The following GGA3 variants were observed in gnomAD, a reference collection of about 807,000 sequenced individuals.
The protein encoded by GGA3 is golgi associated, gamma adaptin ear containing, ARF binding protein 3.
GGA3 carries 57 observed loss-of-function variants against 77.5 expected under a neutral mutation model. That is an observed-to-expected ratio of 0.74 (90% confidence interval 0.59 to 0.92). The LOEUF (loss-of-function observed/expected upper bound fraction) is 0.92, where lower values mean the gene tolerates loss of function less well. Ranked by LOEUF, GGA3 falls within the 40% of genes least tolerant of loss-of-function variation. The pLI is 0.00. For synonymous variants in GGA3, 416 were observed against 383.7 expected, an observed-to-expected ratio of 1.08 and a Z score of -0.98; for missense variants, 970 against 914.9, an observed-to-expected ratio of 1.06 and a Z score of -0.78.
upstream of GGA3, chr17:75,261,985 TGA>T: frequency 1.3e-6 from 2 of 1,563,138 alleles, no homozygotes; most frequent in Non-Finnish European, 1.7e-6. Context: ...GCTTCCAGGG[TGA>T]GAGGGTGGCG....
chr17:75,251,322 C>G (rs1429373030), intron 1 of GGA3, among the ~76,000 whole-genome samples: 1 of 140,194 alleles, frequency 7.1e-6, no homozygotes, highest in Non-Finnish European at 1.5e-5. Context: ...AGGCTGTGCT[C>G]TCCTGGTTCA....
At chr17:75,246,216 G>A (rs748830823) in intron 3 of GGA3, among the ~76,000 whole-genome samples, 13 of 152,206 alleles carry the variant, frequency 8.5e-5, no homozygotes, top group Non-Finnish European at 1.8e-4. Context: ...CGCCACATGG[G>A]GCTCAGGGCC....
intron 1 of GGA3, among the ~76,000 whole-genome samples, chr17:75,260,361 T>C (rs558259027): frequency 6.6e-6 from 1 of 152,332 alleles, no homozygotes; most frequent in Non-Finnish European, 1.5e-5. Context: ...CCTGCTTTGC[T>C]AGAATACTTG....
Position 75,237,830 on chromosome 17 carries a change from G to A in GGA3, c.*449C>T. The A allele has an allele frequency of 1.4e-6, 2 of 1,428,520 alleles. No homozygotes were observed. The highest frequency in any genetic ancestry group is 1.8e-6 in the Non-Finnish European group (2 of 1,096,648). The allele number at this position is 1,428,520 out of a possible 1,614,324, so 88.5% of individuals were successfully genotyped here. A position where few individuals can be genotyped will look rare whatever the true frequency, so the allele number is the denominator to read the frequency against. ...CGGGGGAAGCATGGAATTGCAACAGGGCTGCAGCCCCTTGGGCCGTGCATC... is the reference window on the plus strand; with the variant it reads ...CGGGGGAAGCATGGAATTGCAACAGAGCTGCAGCCCCTTGGGCCGTGCATC... On this transcript the variant is annotated 3_prime_UTR_variant, in exon 17 of 17. Transcript: ENST00000537686.
chr17:75,260,963 T>C (rs1220922730), intron 1 of GGA3, among the ~76,000 whole-genome samples: 1 of 152,206 alleles, frequency 6.6e-6, no homozygotes, highest in East Asian at 1.9e-4. Context: ...CATGCTTCTG[T>C]GGTCACTGCA....
At position 75,243,176 on chromosome 17, in the gene GGA3, G is replaced by T; in HGVS notation, c.425-10C>A. ...TCAGACTGCACTATGCCTGAAAGGG[G>T]ACATGGCAGCACGTGCACTCAGGCT... On this transcript the variant is annotated splice_polypyrimidine_tract_variant and intron_variant, in intron 5 of 16. Transcript: ENST00000537686. 8 of 1,583,130 alleles carry T rather than the reference G, an allele frequency of 5.1e-6. No homozygotes were observed. The highest frequency in any genetic ancestry group is 6.9e-6 in the Non-Finnish European group (8 of 1,157,398).
At chr17:75,240,515 T>C (rs1567780856) in intron 11 of GGA3, 103 bp from the exon 12 acceptor site, 1 of 768,364 alleles carries the variant, frequency 1.3e-6, no homozygotes, top group East Asian at 2.7e-5. Context: ...CATCAATGGG[T>C]GAAGGCGCCG....
intron 3 of GGA3, among the ~76,000 whole-genome samples, chr17:75,246,214 GGGGCTCA>G (rs1285422948): frequency 6.6e-6 from 1 of 152,230 alleles, no homozygotes; most frequent in African/African-American, 2.4e-5. Flanking sequence ...TGCGCCACAT[GGGGCTCA>G]GGGCCCTGAC....
chr17:75,240,006 T>C lies in GGA3; in HGVS notation c.1366A>G (p.Ser456Gly), dbSNP rs559299321. The C allele has an allele frequency of 3.8e-5, 59 of 1,553,518 alleles. No homozygotes were observed. In the South Asian group the frequency reaches 5.6e-4, roughly 15 times the overall value. Residue 456 changes from serine to glycine, a missense_variant, in exon 13 of 17, where the codon AGC (serine) becomes GGC (glycine). Transcript: ENST00000537686. ...GGAGGCGGCAGTGGAGCTTGGGAGCTGCTTGAGGAGGGGGCTGAGGGCTGG... is the reference window on the plus strand; with the variant it reads ...GGAGGCGGCAGTGGAGCTTGGGAGCCGCTTGAGGAGGGGGCTGAGGGCTGG... ...LLQPSAPSSSSSQAPLPPPFP... is the reference protein window; with the variant it reads ...LLQPSAPSSSGSQAPLPPPFP...
Position 75,243,527 on chromosome 17 carries a change from A to G in GGA3, c.344T>C (p.Ile115Thr), listed in dbSNP as rs780499128. Reference protein sequence around the residue: ...RVSEKVKTKVIELLYSWTMAL... With the variant: ...RVSEKVKTKVTELLYSWTMAL... ...CATGGTCCAGCTGTACAGCAGCTCA[A>G]TAACCTTGGTCTTCACTTTCTCAGA... The change falls in exon 5 of 17, where the codon ATT becomes ACT. Residue 115 changes from isoleucine to threonine, a missense_variant. Physicochemically the swap from Ile to Thr is moderately conservative, Grantham distance 89. Transcript: ENST00000537686. The G allele has an allele frequency of 1.9e-6, 3 of 1,614,100 alleles. No individual in the cohort carries two copies. The highest frequency in any genetic ancestry group is 4.5e-5 in the East Asian group (2 of 44,882).
At chr17:75,261,320 C>T (rs1291296976) in intron 1 of GGA3, among the ~76,000 whole-genome samples, 1 of 152,264 alleles carries the variant, frequency 6.6e-6, no homozygotes, top group Non-Finnish European at 1.5e-5. Context: ...GTTCACGCCG[C>T]CGCGCGCCAG....
At chr17:75,249,906 G>A (rs1027281330) in intron 1 of GGA3, among the ~76,000 whole-genome samples, 2 of 152,144 alleles carry the variant, frequency 1.3e-5, no homozygotes, top group African/African-American at 4.8e-5. Context: ...CTTTTCACTT[G>A]TATTAATTTC....
intron 7 of GGA3, 104 bp from the exon 8 acceptor site, chr17:75,242,577 A>C (rs1352826396): frequency 7.3e-7 from 1 of 1,375,680 alleles, no homozygotes; most frequent in Non-Finnish European, 1.0e-6. Context: ...GACGCTCGGA[A>C]GCTCCTTTCA....
chr17:75,239,176 T>A, intron 14 of GGA3, 93 bp from the exon 15 acceptor site: 10 of 1,206,608 alleles, frequency 8.3e-6, no homozygotes, highest in Non-Finnish European at 1.2e-5. Flanking sequence ...TCCGTGGTCA[T>A]GATGAGTCCA....
rs769567399 is a variant in GGA3, at chr17:75,242,429, T to A, written c.654A>T (p.Leu218Phe). 1 of 1,614,064 alleles carries A rather than the reference T, an allele frequency of 6.2e-7. No homozygotes were observed. The change falls in exon 8 of 17, where the codon TTA becomes TTT. Residue 218 changes from leucine to phenylalanine, a missense_variant. By Grantham distance (22) the Leu-to-Phe change is conservative. Coordinates refer to ENST00000537686, the MANE Select transcript of GGA3 (RefSeq NM_138619.4). ...GTCTCACGTTGTTGTTAACTTCCTC[T>A]AACGTGTGCAGACGCTTGGTCACCT... ...IQKVTKRLHT[L>F]EEVNNNVRLL...
At chr17:75,254,494 A>G (rs2077074849) in intron 1 of GGA3, among the ~76,000 whole-genome samples, 2 of 152,168 alleles carry the variant, frequency 1.3e-5, no homozygotes, top group Non-Finnish European at 2.9e-5. Context: ...AGCCCAGTTC[A>G]TGGCTCGTTC....
rs761386535 is a variant in GGA3, at chr17:75,238,239, C to T, written c.*40G>A. The T allele has an allele frequency of 3.1e-6, 5 of 1,604,748 alleles. No individual in the cohort carries two copies. In the African/African-American group the frequency reaches 6.7e-5, roughly 21 times the overall value. On this transcript the variant is annotated 3_prime_UTR_variant, in exon 17 of 17. Transcript: ENST00000537686. Reference sequence around the variant, plus strand: ...AGAGCCCTCCTCGTCTCAGGGCAGCCTGCCTGGCTTCAAGGTGGAGATCAC... The same window carrying T: ...AGAGCCCTCCTCGTCTCAGGGCAGCTTGCCTGGCTTCAAGGTGGAGATCAC...
At chr17:75,240,784 T>C in intron 11 of GGA3, 28 bp downstream of exon 11, 1 of 1,584,870 alleles carries the variant, frequency 6.3e-7, no homozygotes, top group Non-Finnish European at 8.6e-7. Context: ...TGTCAGGGGA[T>C]GCCCCTGACG....
intron 10 of GGA3, 43 bp downstream of exon 10, chr17:75,241,357 G>T: frequency 1.6e-6 from 2 of 1,260,934 alleles, no homozygotes; most frequent in Non-Finnish European, 2.3e-6. Context: ...GGGGCCTGAG[G>T]CTGGTCTGGA....
Sources: allele counts gnomAD v4.1 joint callset (sites outside exome capture counted in the v4.1 genomes callset), GRCh38; gene constraint gnomAD v4.1.1; transcripts MANE v1.5; gene names NCBI Gene and HGNC (gene_info 2026-07-23, HGNC 2026-07-21).